Variants in COL18A1 observed in about 807,000 individuals in gnomAD.
The protein encoded by COL18A1 is collagen type XVIII alpha 1 chain.
COL18A1 carries 133 observed loss-of-function variants against 168.0 expected under a neutral mutation model. The ratio of observed to expected loss-of-function variants is 0.79; its 90% CI spans 0.69 to 0.91. COL18A1 has a LOEUF of 0.91. Among genes scored for constraint, COL18A1 ranks in the 40% least tolerant of loss-of-function variants. COL18A1 has a pLI of 0.00. For missense variants in COL18A1, 2,126 were observed against 1,925.4 expected (o/e 1.10, Z -1.95); for synonymous variants, 949 against 809.0 (o/e 1.17, Z -2.94).
chr21:45,447,705 C>T (rs1412036362), intron 2 of COL18A1, among the ~76,000 whole-genome samples: 5 of 152,144 alleles, frequency 3.3e-5, no homozygotes, highest in East Asian at 3.8e-4. Context: ...AGAACAAAAT[C>T]GGGGGACCTC....
At position 45,463,909 on chromosome 21, in the gene COL18A1, G is replaced by A. The variant is rs202203004; in HGVS notation, c.107-4333G>A. Reference sequence around the variant, plus strand: ...CGAAACTCCATCTAAAAAAAAAAAAGAAAAGGAAAGAAATCAAGTCTTGAG... The same window carrying A: ...CGAAACTCCATCTAAAAAAAAAAAAAAAAAGGAAAGAAATCAAGTCTTGAG... On this transcript the variant is annotated intron_variant, in intron 2 of 41. Coordinates refer to ENST00000651438, the MANE Select transcript of COL18A1 (RefSeq NM_001379500.1). This position sits in a 1 kb window ranked among gnomAD's most constrained non-coding sequence, Gnocchi z 4.0. Among the ~76,000 whole-genome samples, 62 of 151,356 alleles carry A rather than the reference G, an allele frequency of 4.1e-4. No individual in the cohort carries two copies. The East Asian group carries it at 0.011, about 27-fold the overall frequency.
At chr21:45,430,147 C>T (rs1024691523) in intron 2 of COL18A1, among the ~76,000 whole-genome samples, 1 of 150,916 alleles carries the variant, frequency 6.6e-6, no homozygotes, top group East Asian at 1.9e-4. Flanking sequence ...CTCTCGCCCT[C>T]GCCTGCATGT....
At position 45,487,072 on chromosome 21, in the gene COL18A1, CACAGA is replaced by C. The variant is rs1161067636; in HGVS notation, c.1833+81_1833+85del. 4.3e-5 allele frequency: 56 copies of C among 1,311,396 alleles called. No individual in the cohort carries two copies. The East Asian group carries it at 1.3e-3, about 30-fold the overall frequency. The allele number at this position is 1,311,396 out of a possible 1,614,324, so 81.2% of individuals were successfully genotyped here. On this transcript the variant is annotated intron_variant, in intron 16 of 41. Transcript: ENST00000651438. Reference sequence around the variant, plus strand: ...GCCCTACTACCCCTGGCATCTCACTCACAGAGCAGCACGTCCTGGGCGGTGGCCTT... The same window carrying C: ...GCCCTACTACCCCTGGCATCTCACTCGCAGCACGTCCTGGGCGGTGGCCTT...
Position 45,473,179 on chromosome 21 carries a change from T to C in COL18A1, c.652-716T>C, listed in dbSNP as rs2035511502. Among the ~76,000 whole-genome samples, 1 of 152,208 alleles carries C rather than the reference T, an allele frequency of 6.6e-6. No individual in the cohort carries two copies. Among genetic ancestry groups the C allele is most frequent in the African/African-American group, 2.4e-5 (1 of 41,458 alleles). On this transcript the variant is annotated intron_variant, in intron 3 of 41. Coordinates refer to ENST00000651438, the MANE Select transcript of COL18A1 (RefSeq NM_001379500.1). The surrounding 1 kb of genome is among the most constrained non-coding windows in gnomAD (Gnocchi z 4.0). ...TGAGGCTTAGGACGTTGCGCCCTCCTGTGTCCTTGCCCAGCATCCCCGGCC... is the reference window on the plus strand; with the variant it reads ...TGAGGCTTAGGACGTTGCGCCCTCCCGTGTCCTTGCCCAGCATCCCCGGCC...
At chr21:45,495,992 A>C (rs1602557848) in intron 29 of COL18A1, 5 of 343,668 alleles carry the variant, frequency 1.5e-5, no homozygotes, top group Non-Finnish European at 2.3e-5. Context: ...CAATACACAT[A>C]TATGCACACA....
chr21:45,454,103 C>T (rs115510822), intron 2 of COL18A1, among the ~76,000 whole-genome samples: 3,532 of 152,262 alleles, frequency 0.023, 151 homozygotes, highest in African/African-American at 0.08. Context: ...ATCTCTGAGA[C>T]GAGTTTGAGC....
In COL18A1 at chr21:45,504,510, C is replaced by T. The variant is rs984834874; in HGVS notation, c.2822C>T (p.Pro941Leu). 2.3e-5 allele frequency: 32 copies of T among 1,414,916 alleles called. No homozygotes were observed. In the African/African-American group the frequency reaches 8.3e-4, roughly 37 times the overall value. 87.6% of individuals were successfully genotyped at this position (1,414,916 alleles called of 1,614,324 possible). A position where few individuals can be genotyped will look rare whatever the true frequency, so the allele number is the denominator to read the frequency against. The change falls in exon 34 of 42, where the codon CCC (proline) becomes CTC (leucine). Residue 941 changes from proline to leucine, a missense_variant. Physicochemically the swap from Pro to Leu is moderately conservative, Grantham distance 98. Coordinates refer to ENST00000651438, the MANE Select transcript of COL18A1 (RefSeq NM_001379500.1). ...TTCGGCTCCAGCCTGCCCGGCCCCC[C>T]CGGCCCCCCAGGCCCCCCAGGCCCA... ...GFFGSSLPGP[P>L]GPPGPPGPRG...
chr21:45,488,421 C>T lies in COL18A1; in HGVS notation c.1900C>T (p.Pro634Ser). 6 of 1,613,876 alleles carry T rather than the reference C, an allele frequency of 3.7e-6. No individual in the cohort carries two copies. Among genetic ancestry groups the T allele is most frequent in the South Asian group, 1.1e-5 (1 of 91,088 alleles). The change falls in exon 18 of 42, where the codon CCT (proline) becomes TCT (serine). Residue 634 changes from proline to serine, a missense_variant. Transcript: ENST00000651438. ...TGTGTCTCCTCTGCCCTGACAGGGA[C>T]CTCCCGGCCTGCCGGGACTTAAGGT... ...TARSADGPQG[P>S]PGLPGLKGDP... is the part of the protein sequence containing the mutation.
At chr21:45,479,055 CA>C (rs1407641207) in intron 9 of COL18A1, among the ~76,000 whole-genome samples, 2 of 150,428 alleles carry the variant, frequency 1.3e-5, no homozygotes, top group Non-Finnish European at 3.0e-5. Context: ...GGGGCCCACC[CA>C]CTGCAACAGG....
intron 2 of COL18A1, among the ~76,000 whole-genome samples, chr21:45,461,604 TC>T (rs1245180900): frequency 6.7e-6 from 1 of 150,230 alleles, no homozygotes; most frequent in Non-Finnish European, 1.5e-5. Context: ...CCTCGAGGCT[TC>T]CTTGCTAGCC....
chr21:45,419,142 A>T (rs1350910832), intron 2 of COL18A1, among the ~76,000 whole-genome samples: 3 of 152,184 alleles, frequency 2.0e-5, no homozygotes, highest in Non-Finnish European at 4.4e-5. Context: ...CTGACACACG[A>T]TGCCGTGTGT....
intron 15 of COL18A1, among the ~76,000 whole-genome samples, chr21:45,485,998 G>A (rs140291057): frequency 1.7e-3 from 262 of 152,338 alleles, no homozygotes; most frequent in Middle Eastern, 3.4e-3. Flanking sequence ...GCTGCGAGGA[G>A]AGGGGTGGTT....
rs1219332495 is a variant in COL18A1, at chr21:45,490,938, AGCTGCCCCAGGTCCGT to A, written c.2067+70_2067+85del. The A allele has an allele frequency of 1.6e-5, 24 of 1,457,546 alleles. No homozygotes were observed. The African/African-American group carries it at 2.9e-4, about 18-fold the overall frequency. The allele number at this position is 1,457,546 out of a possible 1,614,324, so 90.3% of individuals were successfully genotyped here. On this transcript the variant is annotated intron_variant, in intron 21 of 41. Coordinates refer to ENST00000651438, the MANE Select transcript of COL18A1 (RefSeq NM_001379500.1). ...GGGACATCCCAGAAGGTTTGGCCTC[AGCTGCCCCAGGTCCGT>A]GCCCCTGCTGCCCATGTGACCTCAG... is the stretch of plus-strand genomic sequence containing the variant.
chr21:45,497,670 C>T lies in COL18A1; in HGVS notation c.2683+9C>T. ...CCCCCCCGGACCACCAGGTGAGCAA[C>T]TCTGGACATCCCAGGCAGGAGAGCC... On this transcript the variant is annotated intron_variant, in intron 32 of 41. Transcript: ENST00000651438. The T allele has an allele frequency of 1.3e-6, 2 of 1,563,186 alleles. No individual in the cohort carries two copies. Among genetic ancestry groups the T allele is most frequent in the Non-Finnish European group, 1.7e-6 (2 of 1,154,206 alleles).
At chr21:45,500,018 G>A (rs1359365403) in intron 32 of COL18A1, among the ~76,000 whole-genome samples, 2 of 152,264 alleles carry the variant, frequency 1.3e-5, no homozygotes, top group South Asian at 2.1e-4. Context: ...TACAAGAGAC[G>A]CTCCCCGAAC....
At chr21:45,484,398 TAC>T (rs72103454) in intron 15 of COL18A1, among the ~76,000 whole-genome samples, 39,708 of 127,608 alleles carry the variant, frequency 0.31, 6,561 homozygotes, top group Middle Eastern at 0.4. Flanking sequence ...AGCATGTGTG[TAC>T]ACACACACAC....
chr21:45,475,990 C>T (rs1051333512), intron 5 of COL18A1, among the ~76,000 whole-genome samples: 2 of 152,194 alleles, frequency 1.3e-5, no homozygotes, highest in African/African-American at 4.8e-5. Flanking sequence ...TGGGGAGGCC[C>T]CAGCCGCGGG....
In COL18A1 at chr21:45,417,327, G is replaced by C. The variant is rs151283820; in HGVS notation, c.106+11854G>C. ...CACCGGCTTGCCTTACCTCCTTCTG[G>C]CGCTTGCTTCTCTGTGCTTGTGGGC... On this transcript the variant is annotated intron_variant, in intron 2 of 41. Coordinates refer to ENST00000651438, the MANE Select transcript of COL18A1 (RefSeq NM_001379500.1). 4.5e-4 allele frequency among the ~76,000 whole-genome samples: 69 copies of C among 152,294 alleles called. No individual in the cohort carries two copies. In the East Asian group the frequency reaches 9.3e-3, roughly 20 times the overall value.
chr21:45,496,119 G>A (rs77247684), intron 29 of COL18A1: 23,666 of 392,922 alleles, frequency 0.06, 943 homozygotes, highest in African/African-American at 0.13. Flanking sequence ...TGCCCTCCAA[G>A]CCCTCCATGC....
Sources: gnomAD v4.1 joint callset for allele counts (sites outside exome capture counted in the v4.1 genomes callset) on GRCh38, gnomAD v4.1.1 for gene constraint, Gnocchi (gnomAD v3.1) non-coding constraint, MANE v1.5 for transcripts, NCBI Gene and HGNC (gene_info 2026-07-23, HGNC 2026-07-21) for gene names.